The following GNAI2 variants were observed in gnomAD, a reference collection of about 807,000 sequenced individuals.
The protein encoded by GNAI2 is guanine nucleotide-binding protein G(i) subunit alpha-2.
In GNAI2, 4 loss-of-function variants were observed where a neutral mutation model predicts 36.8. The ratio of observed to expected loss-of-function variants is 0.11; its 90% CI spans 0.05 to 0.25. The LOEUF is 0.25. Among genes scored for constraint, GNAI2 ranks in the 10% least tolerant of loss-of-function variants. GNAI2 has a pLI of 1.00. For missense variants in GNAI2, 230 were observed against 481.3 expected (o/e 0.48, Z 4.89); for synonymous variants, 194 against 194.1 (o/e 1.00, Z 0.01).
intron 8 of GNAI2, 104 bp downstream of exon 8, chr3:50,257,818 A>C: frequency 8.9e-5 from 34 of 380,748 alleles, no homozygotes; most frequent in East Asian, 3.6e-4. Flanking sequence ...CTGGAGGGGG[A>C]GGGGCAATAG....
rs186964257 is a variant in GNAI2 at position 50,250,109 on chromosome 3, A to C, written c.119-1991A>C. On this transcript the variant is annotated intron_variant, in intron 1 of 8. Transcript: ENST00000313601. The stretch of plus-strand genomic sequence containing the variant: ...TGTGACCTCAGCCTCCCTGGACCTC[A>C]GTTCCTTCACTGGTTAGATTGGGGT... Among the ~76,000 whole-genome samples, 311 of 152,302 alleles carry C rather than the reference A, an allele frequency of 2.0e-3. 5 individuals are homozygous for C. The highest frequency in any genetic ancestry group is 6.7e-3 in the African/African-American group (278 of 41,548).
Position 50,256,923 on chromosome 3 carries a change from T to C in GNAI2, c.724-14T>C. ...GAGTGGTGGCTAGCGTTGACCTTGC[T>C]ATTCTACCCCCAGAACCGCATGCAT... is the stretch of plus-strand genomic sequence containing the variant. On this transcript the variant is annotated splice_polypyrimidine_tract_variant and intron_variant, in intron 6 of 8. Coordinates refer to ENST00000313601, the MANE Select transcript of GNAI2 (RefSeq NM_002070.4). 1 of 1,613,996 alleles carries C rather than the reference T, an allele frequency of 6.2e-7. No individual in the cohort carries two copies. Among genetic ancestry groups the C allele is most frequent in the Non-Finnish European group, 8.5e-7 (1 of 1,179,874 alleles).
intron 1 of GNAI2, among the ~76,000 whole-genome samples, chr3:50,248,701 C>T (rs1455981457): frequency 6.6e-6 from 1 of 152,182 alleles, no homozygotes; most frequent in African/African-American, 2.4e-5. Context: ...ATAGGGGCTC[C>T]ATGACCTTGA....
chr3:50,256,468 AC>A, intron 5 of GNAI2, 148 bp downstream of exon 5: 1 of 784,412 alleles, frequency 1.3e-6, no homozygotes, highest in Non-Finnish European at 2.2e-6. Flanking sequence ...CACCTAGTGA[AC>A]CAGCAGTCAG....
rs942311175 is a variant in GNAI2, at chr3:50,253,842, A to G, written c.464+658A>G. Among the ~76,000 whole-genome samples the G allele has an allele frequency of 1.3e-5, 2 of 152,160 alleles. No homozygotes were observed. The highest frequency in any genetic ancestry group is 4.8e-5 in the African/African-American group (2 of 41,446). On this transcript the variant is annotated intron_variant, in intron 4 of 8. Coordinates refer to ENST00000313601, the MANE Select transcript of GNAI2 (RefSeq NM_002070.4). The surrounding 1 kb of genome is among the most constrained non-coding windows in gnomAD (Gnocchi z 4.2). ...ATTTAGGGTGTTAGTGAAAAGGTAGAGGTGGAGTTGGCCCAGAGACAGGAT... is the reference window on the plus strand; with the variant it reads ...ATTTAGGGTGTTAGTGAAAAGGTAGGGGTGGAGTTGGCCCAGAGACAGGAT...
chr3:50,249,916 C>T (rs980035156), intron 1 of GNAI2, among the ~76,000 whole-genome samples: 6 of 152,200 alleles, frequency 3.9e-5, no homozygotes, highest in African/African-American at 7.2e-5. Flanking sequence ...TGCCTGCTGC[C>T]GCTTGTTGAG....
Position 50,242,127 on chromosome 3 carries a change from A to G in GNAI2, c.118+5674A>G, listed in dbSNP as rs587604993. Among the ~76,000 whole-genome samples the G allele has an allele frequency of 6.6e-5, 10 of 152,174 alleles. No homozygotes were observed. In the South Asian group the frequency reaches 2.1e-3, roughly 32 times the overall value. ...GTCTGTCTCTAAAAGCCACCCATTC[A>G]CTTGGCGGGAACAGGATGGAGGAAG... On this transcript the variant is annotated intron_variant, in intron 1 of 8. Transcript: ENST00000313601. This position sits in a 1 kb window ranked among gnomAD's most constrained non-coding sequence, Gnocchi z 4.8.
At position 50,247,003 on chromosome 3, in the gene GNAI2, G is replaced by C; in HGVS notation, c.119-5097G>C. On this transcript the variant is annotated intron_variant, in intron 1 of 8. Coordinates refer to ENST00000313601, the MANE Select transcript of GNAI2 (RefSeq NM_002070.4). ...ATTGCTCTTCATCTGCTCTTTATCTGAAAATCTTCAGAAGCTTTCCTTCAA... is the reference window on the plus strand; with the variant it reads ...ATTGCTCTTCATCTGCTCTTTATCTCAAAATCTTCAGAAGCTTTCCTTCAA... 2.3e-6 allele frequency: 3 copies of C among 1,331,924 alleles called. 1 individual carries two copies. In the South Asian group the frequency reaches 3.8e-5, roughly 17 times the overall value. The allele number at this position is 1,331,924 out of a possible 1,614,324, so 82.5% of individuals were successfully genotyped here.
chr3:50,246,022 G>C (rs1210913017), intron 1 of GNAI2, among the ~76,000 whole-genome samples: 2 of 152,122 alleles, frequency 1.3e-5, no homozygotes, highest in African/African-American at 4.8e-5. Flanking sequence ...GAGTGTTGCC[G>C]GTCCCTTTCA....
upstream of GNAI2, among the ~76,000 whole-genome samples, chr3:50,233,194 G>A (rs1201707328): frequency 7.9e-5 from 12 of 152,138 alleles, no homozygotes; most frequent in Non-Finnish European, 1.5e-4. Context: ...TCCCTGGGAA[G>A]AGCATAGGAC....
In GNAI2 at chr3:50,236,932, G is replaced by A. The variant is rs1247989350; in HGVS notation, c.118+479G>A. 2.6e-5 allele frequency among the ~76,000 whole-genome samples: 4 copies of A among 151,950 alleles called. No individual in the cohort carries two copies. The highest frequency in any genetic ancestry group is 9.7e-5 in the African/African-American group (4 of 41,336). ...ACCCACTCCCTCCTTCTCCTTCTGT[G>A]CCCCATCCCTAGTCTGGAATCTGTA... is the stretch of plus-strand genomic sequence containing the variant. On this transcript the variant is annotated intron_variant, in intron 1 of 8. Transcript: ENST00000313601. The surrounding 1 kb of genome is among the most constrained non-coding windows in gnomAD (Gnocchi z 4.0).
At chr3:50,236,074 C>T, upstream of GNAI2, 1 of 597,430 alleles carries the variant, frequency 1.7e-6, no homozygotes, top group Non-Finnish European at 2.2e-6. This position sits in a 1 kb window ranked among gnomAD's most constrained non-coding sequence, Gnocchi z 4.0. Context: ...TCGAGCCAAT[C>T]AACAGCCTCT....
At chr3:50,237,600 C>A (rs781793682) in intron 1 of GNAI2, among the ~76,000 whole-genome samples, 4 of 151,888 alleles carry the variant, frequency 2.6e-5, no homozygotes, top group Admixed American at 1.3e-4. Context: ...GGATGGTGGA[C>A]TAGCTGAATG....
chr3:50,233,755 G>A (rs1031909610), upstream of GNAI2, among the ~76,000 whole-genome samples: 14 of 152,142 alleles, frequency 9.2e-5, no homozygotes, highest in African/African-American at 2.7e-4. Context: ...CAGGAGGGGG[G>A]CCTGAGGGAG....
upstream of GNAI2, among the ~76,000 whole-genome samples, chr3:50,231,407 T>C (rs1034404597): frequency 7.9e-5 from 12 of 152,228 alleles, no homozygotes; most frequent in African/African-American, 2.9e-4. Flanking sequence ...GCCTCGCAAG[T>C]AGCCGGGATT....
intron 1 of GNAI2, among the ~76,000 whole-genome samples, chr3:50,244,289 A>G (rs1331927386): frequency 6.6e-6 from 1 of 152,144 alleles, no homozygotes; most frequent in African/African-American, 2.4e-5. Flanking sequence ...TCGGCCTCCC[A>G]GAGTGCTGGG....
chr3:50,247,525 A>G (rs1210644426), intron 1 of GNAI2, among the ~76,000 whole-genome samples: 3 of 152,242 alleles, frequency 2.0e-5, no homozygotes, highest in African/African-American at 7.2e-5. Context: ...ATCAAGTGAC[A>G]AGACCTGTGG....
chr3:50,233,270 A>T (rs1384694875), upstream of GNAI2, among the ~76,000 whole-genome samples: 4 of 152,178 alleles, frequency 2.6e-5, no homozygotes, highest in African/African-American at 9.7e-5. Flanking sequence ...GGGCTGGGGA[A>T]GGCCATGCCT....
intron 1 of GNAI2, among the ~76,000 whole-genome samples, chr3:50,245,748 G>C (rs1250994658): frequency 6.6e-6 from 1 of 152,248 alleles, no homozygotes; most frequent in Non-Finnish European, 1.5e-5. Context: ...GCAGTGGAAA[G>C]GGCCCCACTG....
Sources: allele counts gnomAD v4.1 joint callset (sites outside exome capture counted in the v4.1 genomes callset), GRCh38; gene constraint gnomAD v4.1.1; non-coding constraint Gnocchi (gnomAD v3.1); transcripts MANE v1.5; gene names NCBI Gene and HGNC (gene_info 2026-07-23, HGNC 2026-07-21).